The following CDH7 variants were observed in gnomAD, a reference collection of about 807,000 sequenced individuals.
The protein encoded by CDH7 is cadherin 7.
Under a neutral mutation model 71.8 loss-of-function variants are expected in CDH7, and 25 were observed. The ratio of observed to expected loss-of-function variants is 0.35; its 90% confidence interval spans 0.25 to 0.49. The LOEUF (loss-of-function observed/expected upper bound fraction) is 0.49. Ranked by LOEUF, CDH7 falls within the 20% of genes least tolerant of loss-of-function variation. The probability of loss-of-function intolerance (pLI) is 0.99; values close to 1 mark genes in which losing one functional copy is unlikely to be tolerated. For synonymous variants in CDH7, 381 were observed against 363.8 expected, an observed-to-expected ratio of 1.05 and a Z score of -0.54; for missense variants, 862 against 974.6, an observed-to-expected ratio of 0.88 and a Z score of 1.54.
At chr18:65,814,093 G>C (rs1037667137) in intron 3 of CDH7, among the ~76,000 whole-genome samples, 1 of 152,166 alleles carries the variant, frequency 6.6e-6, no homozygotes, top group African/African-American at 2.4e-5. Flanking sequence ...CCAAGATGCT[G>C]TTGTCTTGCT....
chr18:65,838,598 A>G lies in CDH7; in HGVS notation c.982-5214A>G, dbSNP rs147333762. Reference sequence around the variant, plus strand: ...ACTTGGATCAATTCCTGAAACATTAACAACATTGTTGGCTAAAGGTGCGAG... The same window carrying G: ...ACTTGGATCAATTCCTGAAACATTAGCAACATTGTTGGCTAAAGGTGCGAG... On this transcript the variant is annotated intron_variant, in intron 6 of 11. Transcript: ENST00000397968. 3.3e-3 allele frequency among the ~76,000 whole-genome samples: 505 copies of G among 152,352 alleles called. 3 individuals carry two copies. Among genetic ancestry groups the G allele is most frequent in the South Asian group, 8.9e-3 (43 of 4,832 alleles).
At chr18:65,844,198 A>C (rs1012603097) in intron 7 of CDH7, 133 bp downstream of exon 7, 67 of 58,174 alleles carry the variant, frequency 1.2e-3, no homozygotes, top group Admixed American at 4.2e-3. Flanking sequence ...TCGAGTTATA[A>C]CAGCAGAGGT....
At chr18:65,763,521 C>T (rs889438576) in intron 2 of CDH7, among the ~76,000 whole-genome samples, 2 of 151,800 alleles carry the variant, frequency 1.3e-5, no homozygotes, top group Admixed American at 1.3e-4. Context: ...CAAAATGAAA[C>T]TATTGACCCT....
chr18:65,838,800 C>T (rs1446247548), intron 6 of CDH7, among the ~76,000 whole-genome samples: 1 of 152,160 alleles, frequency 6.6e-6, no homozygotes, highest in Non-Finnish European at 1.5e-5. Flanking sequence ...CTCCACTATT[C>T]GTTATAGTCA....
intron 2 of CDH7, among the ~76,000 whole-genome samples, chr18:65,795,242 T>C (rs1910869025): frequency 6.6e-6 from 1 of 152,214 alleles, no homozygotes; most frequent in African/African-American, 2.4e-5. Flanking sequence ...CATTCCGTTG[T>C]AGGATATGTT....
At chr18:65,766,497 T>C (rs1916371573) in intron 2 of CDH7, among the ~76,000 whole-genome samples, 1 of 152,136 alleles carries the variant, frequency 6.6e-6, no homozygotes, top group Non-Finnish European at 1.5e-5. Context: ...GGGCTCAGAC[T>C]TCTGGGCTAT....
At chr18:65,797,545 G>A (rs983768286) in intron 2 of CDH7, among the ~76,000 whole-genome samples, 2 of 152,082 alleles carry the variant, frequency 1.3e-5, no homozygotes, top group African/African-American at 4.8e-5. Flanking sequence ...ACCTCTCTTA[G>A]GCGTCCTTAG....
At position 65,884,024 on chromosome 18, in the gene CDH7, G is replaced by A. The variant is rs1914304825; in HGVS notation, c.*3130G>A. The A allele has an allele frequency of 6.6e-6, 1 of 151,926 alleles. No individual in the cohort carries two copies. Among genetic ancestry groups the A allele is most frequent in the Non-Finnish European group, 1.5e-5 (1 of 67,960 alleles). The allele number at this position is 151,926 out of a possible 1,614,324, so 9.4% of individuals were successfully genotyped here. On this transcript the variant is annotated 3_prime_UTR_variant, in exon 12 of 12. Transcript: ENST00000397968. The stretch of plus-strand genomic sequence containing the variant: ...ACAGGAGCATCAATAGAAACTCAGG[G>A]TTTGCCAAATTATGCCCATTTTGAA...
chr18:65,782,065 T>TTCCTTC (rs1568182342), intron 2 of CDH7, among the ~76,000 whole-genome samples: 8 of 42,434 alleles, frequency 1.9e-4, no homozygotes, highest in East Asian at 5.2e-4. Flanking sequence ...TTCCTTCCTT[T>TTCCTTC]CTTTCTTTCT....
chr18:65,798,935 C>T (rs1044780603), intron 2 of CDH7, among the ~76,000 whole-genome samples: 5 of 152,112 alleles, frequency 3.3e-5, no homozygotes, highest in African/African-American at 9.7e-5. Flanking sequence ...CTTGCACACT[C>T]ATTTCCACTT....
intron 2 of CDH7, among the ~76,000 whole-genome samples, chr18:65,794,906 C>T (rs1910856259): frequency 6.6e-6 from 1 of 152,092 alleles, no homozygotes; most frequent in Non-Finnish European, 1.5e-5. Flanking sequence ...AAAACTTTGT[C>T]AGAAGAATTA....
At chr18:65,823,763 CCTTT>C (rs1912023442) in intron 5 of CDH7, among the ~76,000 whole-genome samples, 1 of 151,812 alleles carries the variant, frequency 6.6e-6, no homozygotes, top group Non-Finnish European at 1.5e-5. Flanking sequence ...CAGAGAGAAT[CCTTT>C]CTTATCCCTT....
intron 2 of CDH7, among the ~76,000 whole-genome samples, chr18:65,808,520 A>G (rs535522680): frequency 6.6e-6 from 1 of 152,234 alleles, no homozygotes; most frequent in East Asian, 1.9e-4. Flanking sequence ...ACAGAAACCA[A>G]AAGGTAAATC....
intron 2 of CDH7, among the ~76,000 whole-genome samples, chr18:65,800,193 C>A (rs994584126): frequency 2.0e-5 from 3 of 152,124 alleles, no homozygotes; most frequent in Admixed American, 2.0e-4. Context: ...GATTCTCCTG[C>A]CTCAGCCTCC....
intron 2 of CDH7, among the ~76,000 whole-genome samples, chr18:65,789,235 T>C (rs1910619781): frequency 6.6e-6 from 1 of 152,100 alleles, no homozygotes; most frequent in African/African-American, 2.4e-5. Flanking sequence ...GAGGAGGTAA[T>C]ATTTCAGCTG....
Position 65,862,759 on chromosome 18 carries a change from C to A in CDH7, c.1706C>A (p.Ser569Tyr), listed in dbSNP as rs1340780226. The A allele has an allele frequency of 1.5e-5, 24 of 1,613,972 alleles. No individual in the cohort carries two copies. The highest frequency in any genetic ancestry group is 2.0e-5 in the Non-Finnish European group (24 of 1,179,994). ...CCAATTTTCATTGTGGACAGTGGAT[C>A]TCCCTCACTTAGCAGCACCAACACC... Reference protein sequence around the residue: ...YLPIFIVDSGSPSLSSTNTLT... With the variant: ...YLPIFIVDSGYPSLSSTNTLT... Residue 569 changes from serine (S) to tyrosine (Y), a missense_variant, in exon 11 of 12, where the codon TCT (serine) becomes TAT (tyrosine). Transcript: ENST00000397968.
chr18:65,859,434 T>C (rs1456954832), intron 9 of CDH7, among the ~76,000 whole-genome samples: 7 of 152,214 alleles, frequency 4.6e-5, no homozygotes, highest in Admixed American at 4.6e-4. Context: ...TATTGTTCAG[T>C]GTCTTGTGAT....
chr18:65,783,211 G>C (rs1334101805), intron 2 of CDH7, among the ~76,000 whole-genome samples: 2 of 152,142 alleles, frequency 1.3e-5, no homozygotes, highest in Non-Finnish European at 1.5e-5. Flanking sequence ...GGACCACAGT[G>C]CATGAAAACT....
chr18:65,825,772 C>A (rs1451757778), intron 6 of CDH7, among the ~76,000 whole-genome samples: 2 of 151,778 alleles, frequency 1.3e-5, no homozygotes, highest in East Asian at 3.9e-4. Context: ...AACATTTCTG[C>A]AATTATTTCC....
Sources: gnomAD v4.1 joint callset for allele counts (sites outside exome capture counted in the v4.1 genomes callset) on GRCh38, gnomAD v4.1.1 for gene constraint, MANE v1.5 for transcripts, NCBI Gene and HGNC (gene_info 2026-07-23, HGNC 2026-07-21) for gene names.